The following HYDIN variants were observed in gnomAD, a reference collection of about 807,000 sequenced individuals.
HYDIN encodes the protein HYDIN axonemal central pair apparatus protein, also known as axonemal central pair apparatus protein HYDIN.
HYDIN carries 132 observed loss-of-function variants against 403.9 expected under a neutral mutation model. The ratio of observed to expected loss-of-function variants is 0.33; its 90% CI spans 0.28 to 0.38. The LOEUF (loss-of-function observed/expected upper bound fraction) is 0.38. HYDIN is among the 10% of genes least tolerant of loss of function. The pLI, the probability that HYDIN is intolerant of heterozygous loss-of-function variation, is 1.00. For synonymous variants in HYDIN, 1,202 were observed against 1,891.7 expected (o/e 0.64, Z 9.46); for missense variants, 2,827 against 5,009.5 (o/e 0.56, Z 13.15).
At chr16:71,069,823 G>T (rs1451733261) in intron 13 of HYDIN, among the ~76,000 whole-genome samples, 4 of 152,216 alleles carry the variant, frequency 2.6e-5, no homozygotes, top group Non-Finnish European at 4.4e-5. Context: ...GGCAGCCTCT[G>T]TTAGTAGTTG....
chr16:70,807,658 C>G lies in HYDIN; in HGVS notation c.15288G>C (p.Leu5096=). ...SGSKTPITTK[L]TVSCPPGEGS... Reference sequence around the variant, plus strand: ...CTTCACCAGGAGGGCAGCTCACAGTCAGCTTGGTGGTGATGGGGGTTTTGC... The same window carrying G: ...CTTCACCAGGAGGGCAGCTCACAGTGAGCTTGGTGGTGATGGGGGTTTTGC... Residue 5096 remains leucine, a synonymous_variant, in exon 86 of 86, where the codon CTG becomes CTC. Coordinates refer to ENST00000393567, the MANE Select transcript of HYDIN (RefSeq NM_001270974.2). 2 of 1,614,160 alleles carry G rather than the reference C, an allele frequency of 1.2e-6. No homozygotes were observed. Among genetic ancestry groups the G allele is most frequent in the Non-Finnish European group, 1.7e-6 (2 of 1,180,024 alleles).
rs1354358363 is a variant in HYDIN at position 71,230,595 on chromosome 16, C to G, written c.-57G>C. ...ACTCCGGGTCCCACGTTTATTCTACCTCCATTCCCCGCCAAGACCCCGCGT... is the reference window on the plus strand; with the variant it reads ...ACTCCGGGTCCCACGTTTATTCTACGTCCATTCCCCGCCAAGACCCCGCGT... On this transcript the variant is annotated 5_prime_UTR_variant, in exon 1 of 86. Coordinates refer to ENST00000393567, the MANE Select transcript of HYDIN (RefSeq NM_001270974.2). 10 of 1,535,902 alleles carry G rather than the reference C, an allele frequency of 6.5e-6. No homozygotes were observed. The highest frequency in any genetic ancestry group is 7.0e-6 in the Non-Finnish European group (8 of 1,146,860).
At chr16:71,026,633 C>A (rs1479637418) in intron 20 of HYDIN, among the ~76,000 whole-genome samples, 1 of 152,260 alleles carries the variant, frequency 6.6e-6, no homozygotes, top group African/African-American at 2.4e-5. Flanking sequence ...TGGCTGATCA[C>A]CTGAATAACA....
intron 55 of HYDIN, 42 bp downstream of exon 55, chr16:70,894,407 C>G: frequency 6.2e-7 from 1 of 1,611,456 alleles, no homozygotes; most frequent in Non-Finnish European, 8.5e-7. Context: ...TTCCTCCCCA[C>G]GGCGGACTTG....
intron 23 of HYDIN, among the ~76,000 whole-genome samples, chr16:70,996,401 C>G (rs1707152): frequency 6.6e-6 from 1 of 152,168 alleles, no homozygotes; most frequent in Non-Finnish European, 1.5e-5. Context: ...CTTTAGGGTA[C>G]AAGTGTTCCA....
chr16:70,973,247 C>T (rs1386183995), intron 35 of HYDIN, 96 bp downstream of exon 35: 17 of 389,884 alleles, frequency 4.4e-5, no homozygotes, highest in South Asian at 2.1e-4. Flanking sequence ...ACAGGTCACT[C>T]GAAGCTTCCC....
chr16:71,191,253 A>C (rs974720148), intron 1 of HYDIN, among the ~76,000 whole-genome samples: 4 of 152,238 alleles, frequency 2.6e-5, no homozygotes, highest in Non-Finnish European at 5.9e-5. Flanking sequence ...AACATAAAAT[A>C]GTTTTTAAAA....
intron 1 of HYDIN, among the ~76,000 whole-genome samples, chr16:71,194,148 C>T (rs1173479558): frequency 3.9e-5 from 6 of 152,168 alleles, no homozygotes; most frequent in African/African-American, 7.2e-5. Context: ...TGCAGTGGCT[C>T]GCGCCTGTAA....
intron 13 of HYDIN, among the ~76,000 whole-genome samples, chr16:71,070,735 C>T (rs1004885771): frequency 2.3e-5 from 3 of 131,540 alleles, no homozygotes; most frequent in Admixed American, 7.9e-5. Context: ...CATATTTCTA[C>T]TGGATGGAAA....
intron 5 of HYDIN, among the ~76,000 whole-genome samples, chr16:71,171,555 C>T (rs183728819): frequency 1.3e-5 from 2 of 152,048 alleles, no homozygotes; most frequent in Non-Finnish European, 2.9e-5. Flanking sequence ...ACTACACTAT[C>T]AGGAGTTTTT....
intron 41 of HYDIN, among the ~76,000 whole-genome samples, chr16:70,950,955 G>A (rs936409790): frequency 1.3e-4 from 20 of 152,152 alleles, no homozygotes; most frequent in African/African-American, 4.6e-4. Context: ...CTTGCCAGGT[G>A]TGGTGGTTCA....
chr16:70,863,885 A>T lies in HYDIN; in HGVS notation c.11472-703T>A, dbSNP rs560017025. 2.0e-5 allele frequency among the ~76,000 whole-genome samples: 3 copies of T among 152,100 alleles called. No individual in the cohort carries two copies. In the South Asian group the frequency reaches 6.2e-4, roughly 32 times the overall value. On this transcript the variant is annotated intron_variant, in intron 67 of 85. Coordinates refer to ENST00000393567, the MANE Select transcript of HYDIN (RefSeq NM_001270974.2). Reference sequence around the variant, plus strand: ...AGACTCTGTCGAAAGAAAAGAAAAGAAAAGAAAGGAAGGAAGTCCCTGTGT... The same window carrying T: ...AGACTCTGTCGAAAGAAAAGAAAAGTAAAGAAAGGAAGGAAGTCCCTGTGT...
chr16:71,109,458 A>G (rs2083736314), intron 10 of HYDIN, among the ~76,000 whole-genome samples: 1 of 136,750 alleles, frequency 7.3e-6, no homozygotes, highest in Non-Finnish European at 1.5e-5. Flanking sequence ...AGGAAAACAA[A>G]ACAAAACAAG....
intron 23 of HYDIN, among the ~76,000 whole-genome samples, chr16:71,001,912 G>A (rs1396471290): frequency 1.3e-5 from 2 of 152,332 alleles, no homozygotes; most frequent in South Asian, 2.1e-4. Context: ...GGTATGTAAT[G>A]GTGTCTAGTT....
chr16:70,973,283 T>G (rs2078784854), intron 35 of HYDIN, 60 bp downstream of exon 35: 1 of 318,044 alleles, frequency 3.1e-6, no homozygotes, highest in Admixed American at 5.0e-5. Context: ...GCATGGACTT[T>G]GAGTAAAGCT....
intron 10 of HYDIN, among the ~76,000 whole-genome samples, chr16:71,105,438 T>C (rs2144421537): frequency 6.9e-6 from 1 of 144,648 alleles, no homozygotes; most frequent in Admixed American, 7.0e-5. Flanking sequence ...CAAAAGTGTT[T>C]TCAATGATTG....
chr16:70,850,253 CCT>C (rs879169735), intron 74 of HYDIN, among the ~76,000 whole-genome samples, 193 bp downstream of exon 74: 42 of 144,594 alleles, frequency 2.9e-4, no homozygotes, highest in African/African-American at 1.2e-3. Context: ...TCCACCCCCC[CCT>C]GAAAATAAAA....
At chr16:71,066,113 CTT>C (rs11441210) in intron 15 of HYDIN, among the ~76,000 whole-genome samples, 1 of 146,150 alleles carries the variant, frequency 6.8e-6, no homozygotes, top group Non-Finnish European at 1.5e-5. Context: ...CTCTTTAGAC[CTT>C]TTTTTTTTTT....
At chr16:71,017,453 AT>A (rs1278225365) in intron 23 of HYDIN, among the ~76,000 whole-genome samples, 1 of 151,898 alleles carries the variant, frequency 6.6e-6, no homozygotes, top group African/African-American at 2.4e-5. Flanking sequence ...TTCTGCCATG[AT>A]TGTAAATTTC....
Sources: allele counts gnomAD v4.1 joint callset (sites outside exome capture counted in the v4.1 genomes callset), GRCh38; gene constraint gnomAD v4.1.1; transcripts MANE v1.5; gene names NCBI Gene and HGNC (gene_info 2026-07-23, HGNC 2026-07-21).